ZNF248: variants seen among roughly 807,000 people sequenced by gnomAD.
ZNF248 encodes the protein KRAB protein domain.
A neutral mutation model predicts 44.3 loss-of-function variants in ZNF248; 20 were observed. The ratio of observed to expected loss-of-function variants is 0.45; its 90% confidence interval spans 0.32 to 0.66. ZNF248 has a LOEUF of 0.66. Among genes scored for constraint, ZNF248 ranks in the 30% least tolerant of loss-of-function variants. The pLI, the probability that ZNF248 is intolerant of heterozygous loss-of-function variation, is 0.04. For missense variants in ZNF248, 654 were observed against 677.0 expected, an observed-to-expected ratio of 0.97 and a Z score of 0.38; for synonymous variants, 224 against 229.0, an observed-to-expected ratio of 0.98 and a Z score of 0.20.
At chr10:37,856,398 T>G in intron 2 of ZNF248, 37 bp downstream of exon 2, 9 of 1,602,088 alleles carry the variant, frequency 5.6e-6, no homozygotes, top group Non-Finnish European at 7.7e-6. Context: ...GTTCGGAGAT[T>G]CACCTGCCTA....
intron 6 of ZNF248, among the ~76,000 whole-genome samples, chr10:37,798,261 C>A (rs1280328720): frequency 6.6e-6 from 1 of 152,018 alleles, no homozygotes; most frequent in African/African-American, 2.4e-5. Context: ...ACAGAATAGG[C>A]AAATTTACAC....
intron 6 of ZNF248, among the ~76,000 whole-genome samples, chr10:37,788,658 A>T (rs1433946608): frequency 2.0e-5 from 3 of 152,166 alleles, no homozygotes; most frequent in Non-Finnish European, 4.4e-5. Context: ...AACAAAGCAA[A>T]CATCATTAGT....
At chr10:37,851,158 T>C (rs1347186737) in intron 3 of ZNF248, among the ~76,000 whole-genome samples, 1 of 152,002 alleles carries the variant, frequency 6.6e-6, no homozygotes, top group Non-Finnish European at 1.5e-5. Flanking sequence ...CCCCAAAATA[T>C]GAAGAATTGT....
At chr10:37,790,266 G>A (rs1170833292) in intron 6 of ZNF248, among the ~76,000 whole-genome samples, 24 of 135,234 alleles carry the variant, frequency 1.8e-4, no homozygotes, top group Non-Finnish European at 3.5e-4. Context: ...GCAAGACTCT[G>A]TGTCAAAAAA....
intron 3 of ZNF248, among the ~76,000 whole-genome samples, chr10:37,840,417 A>G (rs2058124713): frequency 6.6e-6 from 1 of 152,230 alleles, no homozygotes; most frequent in Admixed American, 6.5e-5. Flanking sequence ...GCAAATACAC[A>G]TATGAACAGA....
intron 6 of ZNF248, among the ~76,000 whole-genome samples, chr10:37,777,861 G>T (rs894726022): frequency 7.2e-5 from 11 of 152,032 alleles, no homozygotes; most frequent in Non-Finnish European, 1.3e-4. Context: ...CAAAGGACAT[G>T]AACTCATCCT....
chr10:37,843,094 A>C (rs1298713092), intron 3 of ZNF248, among the ~76,000 whole-genome samples: 1 of 152,200 alleles, frequency 6.6e-6, no homozygotes, highest in Non-Finnish European at 1.5e-5. Flanking sequence ...AGCTGAAAGC[A>C]AGCTAAGGAA....
At chr10:37,823,451 AT>A (rs2053834075) in intron 6 of ZNF248, among the ~76,000 whole-genome samples, 1 of 150,958 alleles carries the variant, frequency 6.6e-6, no homozygotes, top group Admixed American at 6.6e-5. Flanking sequence ...AACGTTCTAT[AT>A]TTTCAAATCT....
the ZNF248 span, among the ~76,000 whole-genome samples, chr10:37,760,611 G>A: frequency 1.6e-4 from 25 of 152,286 alleles, no homozygotes; most frequent in South Asian, 3.9e-3. Context: ...TGAGGCAGGC[G>A]GATCACAAGG....
chr10:37,833,191 C>A (rs2056323601), intron 5 of ZNF248, 75 bp from the exon 6 acceptor site: 2 of 1,498,256 alleles, frequency 1.3e-6, no homozygotes, highest in Middle Eastern at 1.9e-4. Context: ...TACACAAATG[C>A]ACTATCATAC....
intron 6 of ZNF248, among the ~76,000 whole-genome samples, chr10:37,801,309 G>T (rs2049795717): frequency 6.6e-6 from 1 of 151,922 alleles, no homozygotes; most frequent in Admixed American, 6.6e-5. Context: ...CCAGGAGTGG[G>T]AGGTTGCAGT....
chr10:37,790,529 G>A (rs1324791865), intron 6 of ZNF248, among the ~76,000 whole-genome samples: 1 of 151,764 alleles, frequency 6.6e-6, no homozygotes, highest in East Asian at 1.9e-4. Flanking sequence ...GGCCAACATG[G>A]TGAAACCCCG....
At chr10:37,763,075 G>A in the ZNF248 span, among the ~76,000 whole-genome samples, 2 of 152,166 alleles carry the variant, frequency 1.3e-5, no homozygotes, top group Non-Finnish European at 2.9e-5. Flanking sequence ...TAGGATACTT[G>A]CCATGGACCT....
In ZNF248 at chr10:37,832,901, C is replaced by T. The variant is rs754866850; in HGVS notation, c.454G>A (p.Gly152Ser). ...CAGTTCTTTTTACTAATAATTAAGC[C>T]CGAAATATTTTTCAAATTCATTTCA... ...SCEMNLKNISGLIISKKNCSR... is the reference protein window; with the variant it reads ...SCEMNLKNISSLIISKKNCSR... Residue 152 changes from glycine (G) to serine (S), a missense_variant, in exon 6 of 6, where the codon GGC becomes AGC. Transcript: ENST00000395867. 1 of 1,613,064 alleles carries T rather than the reference C, an allele frequency of 6.2e-7. No individual in the cohort carries two copies.
intron 6 of ZNF248, among the ~76,000 whole-genome samples, chr10:37,816,702 C>T (rs781633921): frequency 2.0e-5 from 3 of 152,156 alleles, no homozygotes; most frequent in Non-Finnish European, 4.4e-5. Context: ...TACACTCATT[C>T]AAATAAGGTC....
chr10:37,813,190 C>G (rs117405141), intron 6 of ZNF248, among the ~76,000 whole-genome samples: 21 of 152,210 alleles, frequency 1.4e-4, no homozygotes, highest in Non-Finnish European at 2.6e-4. Context: ...CGTAGAAGAA[C>G]GTACAAGAAA....
intron 6 of ZNF248, among the ~76,000 whole-genome samples, chr10:37,794,032 GT>G (rs200667371): frequency 2.3e-4 from 35 of 151,914 alleles, no homozygotes; most frequent in Admixed American, 3.9e-4. Context: ...TATATACAAG[GT>G]TTTTTTTATT....
chr10:37,798,550 A>G (rs2049417104), intron 6 of ZNF248, among the ~76,000 whole-genome samples: 1 of 152,168 alleles, frequency 6.6e-6, no homozygotes, highest in Non-Finnish European at 1.5e-5. Context: ...ATAGTGTTCT[A>G]TCCTTTGTGT....
At chr10:37,856,811 T>C (rs984791451) in intron 1 of ZNF248, 1 of 784,238 alleles carries the variant, frequency 1.3e-6, no homozygotes, top group East Asian at 1.3e-4. Flanking sequence ...TGAGAAACTG[T>C]GATATAGAGT....
Sources: gnomAD v4.1 joint callset for allele counts (sites outside exome capture counted in the v4.1 genomes callset) on GRCh38, gnomAD v4.1.1 for gene constraint, MANE v1.5 for transcripts, NCBI Gene and HGNC (gene_info 2026-07-23, HGNC 2026-07-21) for gene names.